ADD3: variants seen among roughly 807,000 people sequenced by gnomAD.
ADD3 encodes adducin 3.
A neutral mutation model predicts 80.2 loss-of-function variants in ADD3; 25 were observed. That is an observed-to-expected ratio of 0.31 (90% CI 0.23 to 0.44). The LOEUF is 0.44. ADD3 is among the 20% of genes least tolerant of loss of function. The pLI is 1.00. For missense variants in ADD3, 829 were observed against 847.5 expected, an observed-to-expected ratio of 0.98 and a Z score of 0.27; for synonymous variants, 284 against 289.6, an observed-to-expected ratio of 0.98 and a Z score of 0.20.
intron 1 of ADD3, among the ~76,000 whole-genome samples, chr10:110,040,915 G>A (rs1344550834): frequency 4.7e-5 from 7 of 149,266 alleles, no homozygotes; most frequent in Admixed American, 4.1e-4. Context: ...GCACGCACGC[G>A]CTCTCTCTCT....
intron 14 of ADD3, chr10:110,132,623 A>G: frequency 6.3e-6 from 3 of 475,486 alleles, no homozygotes. Flanking sequence ...GGCAACCCGC[A>G]GTTCTTAAGA....
intron 1 of ADD3, among the ~76,000 whole-genome samples, chr10:110,040,071 GGACTACACATGGTTGT>G (rs1856111727): frequency 6.6e-6 from 1 of 152,172 alleles, no homozygotes; most frequent in Non-Finnish European, 1.5e-5. Flanking sequence ...GCGTGAGAAG[GGACTACACATGGTTGT>G]GAATACCAGG....
chr10:110,089,456 G>C (rs1300203300), intron 1 of ADD3, among the ~76,000 whole-genome samples: 1 of 152,052 alleles, frequency 6.6e-6, no homozygotes, highest in African/African-American at 2.4e-5. Context: ...TTTCTCTAAG[G>C]AAGGGGTTGG....
chr10:110,013,205 C>T (rs1006047369), intron 1 of ADD3, among the ~76,000 whole-genome samples: 2 of 152,240 alleles, frequency 1.3e-5, no homozygotes, highest in South Asian at 2.1e-4. Context: ...TGGGTTCAAG[C>T]GATTCTTCTG....
At chr10:110,103,983 A>C (rs916296076) in intron 2 of ADD3, among the ~76,000 whole-genome samples, 1 of 152,150 alleles carries the variant, frequency 6.6e-6, no homozygotes, top group Non-Finnish European at 1.5e-5. Context: ...GTCTTATCCC[A>C]TTCCAACATT....
Position 110,111,922 on chromosome 10 carries a change from A to G in ADD3, c.196-855A>G, listed in dbSNP as rs560185742. On this transcript the variant is annotated intron_variant, in intron 2 of 14. Transcript: ENST00000356080. ...GAGCGAAACTCTGTCTCAAAAAAAA[A>G]AGAAAAAAAAATTGTCATTTACCAC... 5.9e-5 allele frequency among the ~76,000 whole-genome samples: 9 copies of G among 152,238 alleles called. No individual in the cohort carries two copies. In the East Asian group the frequency reaches 1.7e-3, roughly 29 times the overall value.
At chr10:110,030,367 A>G (rs1271956651) in intron 1 of ADD3, among the ~76,000 whole-genome samples, 3 of 150,976 alleles carry the variant, frequency 2.0e-5, no homozygotes, top group East Asian at 3.9e-4. Context: ...TGTGATTGGC[A>G]TTTCTCCACC....
chr10:110,113,590 TAATA>T (rs1590180379), intron 3 of ADD3, among the ~76,000 whole-genome samples: 1 of 152,292 alleles, frequency 6.6e-6, no homozygotes, highest in East Asian at 1.9e-4. Flanking sequence ...TTTTCTAAAA[TAATA>T]AATCTGATTT....
chr10:110,024,394 G>C (rs921047030), intron 1 of ADD3, among the ~76,000 whole-genome samples: 6 of 152,132 alleles, frequency 3.9e-5, no homozygotes, highest in Non-Finnish European at 8.8e-5. Context: ...AATTATTTTT[G>C]CTATGTGAAT....
intron 1 of ADD3, among the ~76,000 whole-genome samples, chr10:110,036,456 T>TGC (rs1399848682): frequency 7.0e-6 from 1 of 143,560 alleles, no homozygotes; most frequent in Admixed American, 7.1e-5. Context: ...CTCAGCTCAC[T>TGC]GCAAGCCCCG....
At chr10:110,040,964 GTCTCTCTC>G (rs66979569) in intron 1 of ADD3, among the ~76,000 whole-genome samples, 9 of 149,352 alleles carry the variant, frequency 6.0e-5, no homozygotes, top group African/African-American at 1.5e-4. Flanking sequence ...GTCTCTCTCT[GTCTCTCTC>G]TCTCTCTCTC....
chr10:110,103,818 A>C (rs1849109051), intron 2 of ADD3, among the ~76,000 whole-genome samples: 1 of 152,196 alleles, frequency 6.6e-6, no homozygotes, highest in Non-Finnish European at 1.5e-5. Flanking sequence ...CTCTTGCCTC[A>C]GCCTCTTGAG....
upstream of ADD3, among the ~76,000 whole-genome samples, chr10:110,003,427 A>G (rs951237134): frequency 1.6e-4 from 24 of 152,176 alleles, no homozygotes; most frequent in Non-Finnish European, 3.1e-4. Flanking sequence ...CTTGAACTAG[A>G]TAATTGATTT....
At chr10:110,104,511 T>G (rs1849200232) in intron 2 of ADD3, among the ~76,000 whole-genome samples, 1 of 152,202 alleles carries the variant, frequency 6.6e-6, no homozygotes, top group African/African-American at 2.4e-5. Context: ...TATAATTCTT[T>G]AAAAAATTTT....
chr10:110,088,573 A>C (rs1847096305), intron 1 of ADD3, among the ~76,000 whole-genome samples: 1 of 151,960 alleles, frequency 6.6e-6, no homozygotes, highest in Non-Finnish European at 1.5e-5. Flanking sequence ...GAAGGCAGAA[A>C]CTCCTCCTTC....
intron 10 of ADD3, 45 bp downstream of exon 10, chr10:110,124,319 C>T (rs747968391): frequency 9.4e-6 from 15 of 1,589,212 alleles, no homozygotes; most frequent in Non-Finnish European, 1.3e-5. Context: ...AATATTTTGC[C>T]TAGTTACTCA....
intron 1 of ADD3, among the ~76,000 whole-genome samples, chr10:110,081,327 A>G (rs1355609056): frequency 6.6e-6 from 1 of 152,294 alleles, no homozygotes; most frequent in Non-Finnish European, 1.5e-5. Context: ...GTTAAATGCT[A>G]GGAGTACCTA....
At chr10:110,039,079 A>C (rs891274475) in intron 1 of ADD3, among the ~76,000 whole-genome samples, 1 of 152,152 alleles carries the variant, frequency 6.6e-6, no homozygotes, top group African/African-American at 2.4e-5. Context: ...AACTCTTCAG[A>C]AATGTTTCTG....
intron 14 of ADD3, among the ~76,000 whole-genome samples, chr10:110,133,037 G>A (rs772874955): frequency 2.0e-5 from 3 of 150,860 alleles, no homozygotes; most frequent in African/African-American, 4.9e-5. Context: ...AGAAAAATAT[G>A]TTGTCTTCCT....
Sources: allele counts gnomAD v4.1 joint callset (sites outside exome capture counted in the v4.1 genomes callset), GRCh38; gene constraint gnomAD v4.1.1; transcripts MANE v1.5; gene names NCBI Gene and HGNC (gene_info 2026-07-23, HGNC 2026-07-21).